CYP7B1: variants seen among roughly 807,000 people sequenced by gnomAD.
CYP7B1 encodes the protein cytochrome P450 7B1.
A neutral mutation model predicts 42.7 loss-of-function variants in CYP7B1; 29 were observed. The observed-to-expected ratio is 0.68, with a 90% CI of 0.51 to 0.93. The LOEUF (loss-of-function observed/expected upper bound fraction) is 0.93. Among genes scored for constraint, CYP7B1 ranks in the 40% least tolerant of loss-of-function variants. The pLI, the probability that CYP7B1 is intolerant of heterozygous loss-of-function variation, is 0.00. For synonymous variants in CYP7B1, 235 were observed against 218.2 expected (o/e 1.08, Z -0.68); for missense variants, 655 against 600.5 (o/e 1.09, Z -0.95).
At chr8:64,675,426 C>T (rs1806431328) in intron 1 of CYP7B1, among the ~76,000 whole-genome samples, 2 of 150,704 alleles carry the variant, frequency 1.3e-5, no homozygotes, top group Admixed American at 1.3e-4. Context: ...GGTAAATACA[C>T]ATTTCAGTTC....
intron 1 of CYP7B1, among the ~76,000 whole-genome samples, chr8:64,785,491 G>T (rs1804508437): frequency 6.6e-6 from 1 of 152,090 alleles, no homozygotes; most frequent in East Asian, 1.9e-4. Context: ...AACAAACTGT[G>T]GTACATCTAT....
chr8:64,602,308 G>T (rs569846874), intron 5 of CYP7B1, among the ~76,000 whole-genome samples: 1 of 152,330 alleles, frequency 6.6e-6, no homozygotes, highest in African/African-American at 2.4e-5. Flanking sequence ...AGGTGATTAG[G>T]TGATTCCTGT....
chr8:64,675,237 A>C (rs1464972673), intron 1 of CYP7B1, among the ~76,000 whole-genome samples: 1 of 152,030 alleles, frequency 6.6e-6, no homozygotes, highest in Non-Finnish European at 1.5e-5. Flanking sequence ...TAGTCCTTCT[A>C]CTAGGTCCTT....
At chr8:64,589,599 A>G (rs1805009123), downstream of CYP7B1, among the ~76,000 whole-genome samples, 1 of 152,232 alleles carries the variant, frequency 6.6e-6, no homozygotes, top group Non-Finnish European at 1.5e-5. Context: ...AAAAAACAAA[A>G]GCATTTATTA....
chr8:64,726,536 T>C (rs1289964459), intron 1 of CYP7B1, among the ~76,000 whole-genome samples: 1 of 152,198 alleles, frequency 6.6e-6, no homozygotes, highest in Non-Finnish European at 1.5e-5. Context: ...GGCTGTGGCT[T>C]TGCCCTTCCA....
intron 1 of CYP7B1, among the ~76,000 whole-genome samples, chr8:64,741,084 A>G (rs540919207): frequency 3.3e-5 from 5 of 152,022 alleles, no homozygotes; most frequent in African/African-American, 1.2e-4. Flanking sequence ...AAAATTTAAC[A>G]TAATATTTAA....
intron 4 of CYP7B1, among the ~76,000 whole-genome samples, chr8:64,612,790 C>T (rs191430336): frequency 5.9e-5 from 9 of 152,060 alleles, no homozygotes; most frequent in African/African-American, 2.2e-4. Context: ...ATTTAAAATA[C>T]ATAGAACTCT....
At chr8:64,795,800 C>G (rs1349106348) in intron 1 of CYP7B1, among the ~76,000 whole-genome samples, 1 of 152,168 alleles carries the variant, frequency 6.6e-6, no homozygotes, top group Non-Finnish European at 1.5e-5. Flanking sequence ...TCTCTCCTGA[C>G]AAGTACTGCA....
chr8:64,722,742 GC>G (rs1252726305), intron 1 of CYP7B1, among the ~76,000 whole-genome samples: 1,054 of 35,274 alleles, frequency 0.03, 109 homozygotes, highest in African/African-American at 0.085. Context: ...ATTTTTTGCG[GC>G]GGGGGGGGGG....
chr8:64,644,026 G>A (rs1585827610), intron 1 of CYP7B1, among the ~76,000 whole-genome samples: 2 of 152,272 alleles, frequency 1.3e-5, no homozygotes, highest in East Asian at 3.9e-4. Context: ...TGTAATCTCA[G>A]CACTTTGGGA....
At chr8:64,602,762 C>G (rs565612702) in intron 5 of CYP7B1, among the ~76,000 whole-genome samples, 5 of 152,228 alleles carry the variant, frequency 3.3e-5, no homozygotes, top group African/African-American at 1.2e-4. Context: ...TATATGGTGG[C>G]TTGGGATGGA....
intron 1 of CYP7B1, among the ~76,000 whole-genome samples, chr8:64,740,525 GA>G (rs1044866621): frequency 2.7e-5 from 4 of 149,820 alleles, no homozygotes; most frequent in African/African-American, 9.8e-5. Context: ...TTACAATTAG[GA>G]AAAAAATAGA....
At chr8:64,736,294 C>T (rs1807486719) in intron 1 of CYP7B1, among the ~76,000 whole-genome samples, 2 of 152,182 alleles carry the variant, frequency 1.3e-5, no homozygotes, top group African/African-American at 4.8e-5. Context: ...ACATATGCTT[C>T]TCTTCCCTTA....
chr8:64,715,587 T>C (rs1807142944), intron 1 of CYP7B1, among the ~76,000 whole-genome samples: 1 of 152,206 alleles, frequency 6.6e-6, no homozygotes, highest in African/African-American at 2.4e-5. Flanking sequence ...CTCTATTTTT[T>C]TTCCGTTCCT....
chr8:64,607,585 C>A (rs1200788456), intron 4 of CYP7B1, among the ~76,000 whole-genome samples: 1 of 152,148 alleles, frequency 6.6e-6, no homozygotes, highest in Admixed American at 6.5e-5. Flanking sequence ...CTGCCACCAG[C>A]TTGTGATAGG....
chr8:64,608,878 C>T (rs1805324930), intron 4 of CYP7B1, among the ~76,000 whole-genome samples: 1 of 152,140 alleles, frequency 6.6e-6, no homozygotes, highest in African/African-American at 2.4e-5. Flanking sequence ...TGAATTGGTA[C>T]AAATGCCTAT....
At chr8:64,688,894 C>G (rs933099277) in intron 1 of CYP7B1, among the ~76,000 whole-genome samples, 17 of 151,930 alleles carry the variant, frequency 1.1e-4, no homozygotes, top group Admixed American at 1.0e-3. Context: ...CCACTGCACT[C>G]CAGCCTGGGT....
chr8:64,735,841 G>C (rs747912120), intron 1 of CYP7B1, among the ~76,000 whole-genome samples: 1 of 152,128 alleles, frequency 6.6e-6, no homozygotes, highest in Admixed American at 6.6e-5. Context: ...GGACTCTAGT[G>C]TATCTGTCTC....
intron 5 of CYP7B1, among the ~76,000 whole-genome samples, chr8:64,598,457 A>G (rs1805150449): frequency 6.6e-6 from 1 of 152,204 alleles, no homozygotes; most frequent in African/African-American, 2.4e-5. Flanking sequence ...CTGGTCCTCT[A>G]TCTACCTAAC....
Sources: allele counts gnomAD v4.1 joint callset (sites outside exome capture counted in the v4.1 genomes callset), GRCh38; gene constraint gnomAD v4.1.1; transcripts MANE v1.5; gene names NCBI Gene and HGNC (gene_info 2026-07-23, HGNC 2026-07-21).